ADAMTS2: variants seen among roughly 807,000 people sequenced by gnomAD.
ADAMTS2 encodes the protein ADAM metallopeptidase with thrombospondin type 1 motif 2.
Under a neutral mutation model 123.0 loss-of-function variants are expected in ADAMTS2, and 50 were observed. That is an observed-to-expected ratio of 0.41 (90% CI 0.32 to 0.51). The LOEUF is 0.51. Ranked by LOEUF, ADAMTS2 falls within the 20% of genes least tolerant of loss-of-function variation. The probability of loss-of-function intolerance (pLI) is 0.35; values close to 1 mark genes in which losing one functional copy is unlikely to be tolerated. For missense variants in ADAMTS2, 1,494 were observed against 1,705.2 expected, an observed-to-expected ratio of 0.88 and a Z score of 2.18; for synonymous variants, 678 against 695.4, an observed-to-expected ratio of 0.98 and a Z score of 0.39.
At position 179,285,675 on chromosome 5, in the gene ADAMTS2, G is replaced by A. The variant is rs1475528341; in HGVS notation, c.535-12611C>T. On this transcript the variant is annotated intron_variant, in intron 2 of 21. Coordinates refer to ENST00000251582, the MANE Select transcript of ADAMTS2 (RefSeq NM_014244.5). This position sits in a 1 kb window ranked among gnomAD's most constrained non-coding sequence, Gnocchi z 4.9. ...CTCTGGCTGACATTTCCCAGGTCTC[G>A]TTCAGCATGAAGCCCACGTCGGGGA... Among the ~76,000 whole-genome samples the A allele has an allele frequency of 1.3e-5, 2 of 152,206 alleles. No homozygotes were observed. The highest frequency in any genetic ancestry group is 1.9e-4 in the East Asian group (1 of 5,196).
intron 3 of ADAMTS2, among the ~76,000 whole-genome samples, chr5:179,235,404 G>A (rs1765500689): frequency 6.6e-6 from 1 of 152,192 alleles, no homozygotes; most frequent in Non-Finnish European, 1.5e-5. Flanking sequence ...CAGAACTGAC[G>A]CCTTCACACC....
intron 10 of ADAMTS2, among the ~76,000 whole-genome samples, chr5:179,151,807 G>A (rs896305062): frequency 6.6e-6 from 1 of 152,180 alleles, no homozygotes; most frequent in Non-Finnish European, 1.5e-5. Context: ...CTCCAATGCT[G>A]GCCTCCAGGT....
At position 179,113,547 on chromosome 5, in the gene ADAMTS2, T is replaced by G; in HGVS notation, c.*320A>C. ...GGTTCCCAATCACTGCTTAGCAACT[T>G]GGGGCCTATTTTTGTTCTCTCAGAG... On this transcript the variant is annotated 3_prime_UTR_variant, in exon 22 of 22. Coordinates refer to ENST00000251582, the MANE Select transcript of ADAMTS2 (RefSeq NM_014244.5). The G allele has an allele frequency of 2.6e-6, 1 of 387,044 alleles. No individual in the cohort carries two copies. Among genetic ancestry groups the G allele is most frequent in the Non-Finnish European group, 4.8e-6 (1 of 208,726 alleles). 24.0% of individuals were successfully genotyped at this position (387,044 alleles called of 1,614,324 possible). A position where few individuals can be genotyped will look rare whatever the true frequency, so the allele number is the denominator to read the frequency against.
chr5:179,324,394 T>TC (rs1491534974), intron 2 of ADAMTS2, among the ~76,000 whole-genome samples: 4 of 15,804 alleles, frequency 2.5e-4, no homozygotes, highest in African/African-American at 2.0e-3. Flanking sequence ...TATTTTTCTC[T>TC]TTTTTTTTTT....
At chr5:179,306,521 T>A (rs779875389) in intron 2 of ADAMTS2, among the ~76,000 whole-genome samples, 2 of 152,134 alleles carry the variant, frequency 1.3e-5, no homozygotes, top group Non-Finnish European at 2.9e-5. Flanking sequence ...CCTGAGAAAC[T>A]GTTTTCCCCT....
chr5:179,258,684 C>T (rs991428086), intron 3 of ADAMTS2, among the ~76,000 whole-genome samples: 8 of 152,210 alleles, frequency 5.3e-5, no homozygotes, highest in African/African-American at 1.9e-4. Context: ...GGGCCAGACA[C>T]AGGGACCTTC....
chr5:179,158,500 C>T lies in ADAMTS2; in HGVS notation c.1132+223G>A, dbSNP rs1169668991. ...AAATGTCACTTTTGTGACACATTAG[C>T]GTCCCTATACACATAGGTCCAATTC... On this transcript the variant is annotated intron_variant, in intron 6 of 21. Coordinates refer to ENST00000251582, the MANE Select transcript of ADAMTS2 (RefSeq NM_014244.5). This position sits in a 1 kb window ranked among gnomAD's most constrained non-coding sequence, Gnocchi z 5.0. 6.6e-6 allele frequency among the ~76,000 whole-genome samples: 1 copy of T among 152,174 alleles called. No homozygotes were observed. The highest frequency in any genetic ancestry group is 1.5e-5 in the Non-Finnish European group (1 of 68,036).
intron 5 of ADAMTS2, among the ~76,000 whole-genome samples, chr5:179,166,253 C>A (rs1763695252): frequency 2.0e-5 from 3 of 152,188 alleles, no homozygotes; most frequent in Admixed American, 2.0e-4. Context: ...GCACCGGGAG[C>A]CTGGTCCCAA....
At chr5:179,280,574 C>G (rs1178836607) in intron 2 of ADAMTS2, among the ~76,000 whole-genome samples, 1 of 152,238 alleles carries the variant, frequency 6.6e-6, no homozygotes, top group African/African-American at 2.4e-5. Flanking sequence ...GAAACCCACT[C>G]CTGTAAAATA....
Position 179,228,909 on chromosome 5 carries a change from G to A in ADAMTS2, c.689-21194C>T, listed in dbSNP as rs1765348595. 6.6e-6 allele frequency among the ~76,000 whole-genome samples: 1 copy of A among 152,208 alleles called. No homozygotes were observed. Among genetic ancestry groups the A allele is most frequent in the East Asian group, 1.9e-4 (1 of 5,180 alleles). ...TGTGGTGTGCGGTCACCTGAGAACA[G>A]CTCAGTCAGTCTGGCTGGATCCTGA... On this transcript the variant is annotated intron_variant, in intron 3 of 21. Transcript: ENST00000251582. The surrounding 1 kb of genome is among the most constrained non-coding windows in gnomAD (Gnocchi z 5.2).
chr5:179,298,693 G>C (rs1451721878), intron 2 of ADAMTS2, among the ~76,000 whole-genome samples: 1 of 152,136 alleles, frequency 6.6e-6, no homozygotes, highest in Non-Finnish European at 1.5e-5. Context: ...AGGGGTTGAG[G>C]GGGAGGCATT....
intron 2 of ADAMTS2, among the ~76,000 whole-genome samples, chr5:179,336,997 A>T (rs1757630351): frequency 6.6e-6 from 1 of 152,340 alleles, no homozygotes; most frequent in South Asian, 2.1e-4. Flanking sequence ...CCCACTCTGC[A>T]GCCCTGGAGT....
At chr5:179,239,539 G>A (rs1469764868) in intron 3 of ADAMTS2, among the ~76,000 whole-genome samples, 5 of 152,130 alleles carry the variant, frequency 3.3e-5, no homozygotes, top group African/African-American at 1.2e-4. Flanking sequence ...GACAGATGAG[G>A]TGCAGATTCT....
At chr5:179,235,147 C>T (rs1406059053) in intron 3 of ADAMTS2, among the ~76,000 whole-genome samples, 2 of 152,212 alleles carry the variant, frequency 1.3e-5, no homozygotes, top group African/African-American at 4.8e-5. Context: ...ACTCAAGCAC[C>T]CTGTGCTTCC....
At chr5:179,214,273 C>G (rs1013895059) in intron 3 of ADAMTS2, among the ~76,000 whole-genome samples, 3 of 119,654 alleles carry the variant, frequency 2.5e-5, no homozygotes. Flanking sequence ...GGACACAACT[C>G]AAAAGCCGTG....
intron 2 of ADAMTS2, among the ~76,000 whole-genome samples, chr5:179,302,688 G>C (rs909641172): frequency 2.6e-5 from 4 of 152,030 alleles, no homozygotes; most frequent in Admixed American, 2.6e-4. Context: ...GACAGAGAGT[G>C]ACGCAGCCGT....
At chr5:179,310,848 G>A (rs866122958) in intron 2 of ADAMTS2, among the ~76,000 whole-genome samples, 6 of 152,098 alleles carry the variant, frequency 3.9e-5, no homozygotes, top group Admixed American at 6.5e-5. Context: ...ACAGTGAAAG[G>A]GCCACCACCC....
At chr5:179,165,251 C>T (rs1408867029) in intron 5 of ADAMTS2, among the ~76,000 whole-genome samples, 2 of 152,230 alleles carry the variant, frequency 1.3e-5, no homozygotes, top group Middle Eastern at 3.2e-3. Flanking sequence ...ACCCCAGCCC[C>T]CACCATCCTG....
At position 179,201,828 on chromosome 5, in the gene ADAMTS2, C is replaced by A. The variant is rs572871204; in HGVS notation, c.891+5685G>T. On this transcript the variant is annotated intron_variant, in intron 4 of 21. Coordinates refer to ENST00000251582, the MANE Select transcript of ADAMTS2 (RefSeq NM_014244.5). ...CAATAAATAAATAAATAAAATAAATCATCTGTGTTAAATATGGACTATTTC... is the reference window on the plus strand; with the variant it reads ...CAATAAATAAATAAATAAAATAAATAATCTGTGTTAAATATGGACTATTTC... 9.9e-5 allele frequency among the ~76,000 whole-genome samples: 15 copies of A among 151,940 alleles called. No homozygotes were observed. In the South Asian group the frequency reaches 3.1e-3, roughly 32 times the overall value.
Sources: allele counts gnomAD v4.1 joint callset (sites outside exome capture counted in the v4.1 genomes callset), GRCh38; gene constraint gnomAD v4.1.1; non-coding constraint Gnocchi (gnomAD v3.1); transcripts MANE v1.5; gene names NCBI Gene and HGNC (gene_info 2026-07-23, HGNC 2026-07-21).